The following MID2 variants were observed in gnomAD, a reference collection of about 807,000 sequenced individuals.
The protein encoded by MID2 is midline 2, also known as probable E3 ubiquitin-protein ligase MID2.
In MID2, 13 loss-of-function variants were observed where a neutral mutation model predicts 46.1. The observed-to-expected ratio is 0.28, with a 90% CI of 0.18 to 0.45. The LOEUF is 0.45. MID2 is among the 20% of genes least tolerant of loss of function. The pLI is 1.00. For missense variants in MID2, 431 were observed against 575.4 expected (o/e 0.75, Z 2.57); for synonymous variants, 199 against 212.3 (o/e 0.94, Z 0.55).
intron 3 of MID2, among the ~76,000 whole-genome samples, chrX:107,877,345 T>G (rs1932222513): frequency 8.9e-6 from 1 of 111,759 alleles, no homozygotes; most frequent in Non-Finnish European, 1.9e-5. Context: ...AGTATGAGGG[T>G]CAAAGCAGTT....
intron 5 of MID2, among the ~76,000 whole-genome samples, chrX:107,913,372 G>A (rs1261107672): frequency 8.9e-6 from 1 of 111,784 alleles, no homozygotes; most frequent in African/African-American, 3.3e-5. Flanking sequence ...GAGTGCCCTT[G>A]TAGTTCTATC....
At chrX:107,861,271 C>T (rs755181776) in intron 3 of MID2, among the ~76,000 whole-genome samples, 13 of 111,575 alleles carry the variant, frequency 1.2e-4, no homozygotes, top group African/African-American at 3.6e-4. Context: ...GAAGGTTCTA[C>T]GCAAATATGA....
rs150002621 is a variant in MID2, at chrX:107,891,405, C to T, written c.817-12553C>T. On this transcript the variant is annotated intron_variant, in intron 3 of 9. Coordinates refer to ENST00000262843, the MANE Select transcript of MID2 (RefSeq NM_012216.4). ...AAGTGATTCTCCTGCCTCAGACTCC[C>T]GAGTAGCTGAGATTACAGGCATGCG... Among the ~76,000 whole-genome samples, 450 of 109,104 alleles carry T rather than the reference C, an allele frequency of 4.1e-3. 2 individuals carry two copies. The highest frequency in any genetic ancestry group is 0.014 in the African/African-American group (421 of 29,884). 94.7% of individuals were successfully genotyped at this position (109,104 alleles called of 115,157 possible).
rs1363441223 is a variant in MID2 at position 107,841,064 on chromosome X, T to A, written c.399T>A (p.Ser133=). 15 of 1,209,466 alleles carry A rather than the reference T, an allele frequency of 1.2e-5. No individual in the cohort carries two copies. Among genetic ancestry groups the A allele is most frequent in the Non-Finnish European group, 1.6e-5 (14 of 895,120 alleles). The stretch of plus-strand genomic sequence containing the variant: ...CTTACAGGCCCACCACTGCCATGTC[T>A]AGCGAGCGAATTGCTTGCCAATTCT... The part of the protein sequence containing the change: ...ERTYRPTTAM[S]SERIACQFCE... The change falls in exon 2 of 10, where the codon TCT becomes TCA. Residue 133 remains serine, a synonymous_variant. Transcript: ENST00000262843.
chrX:107,927,056 A>G lies in MID2; in HGVS notation c.2191A>G (p.Met731Val). Residue 731 changes from methionine to valine, a missense_variant, in exon 10 of 10, where the codon ATG (methionine) becomes GTG (valine). Transcript: ENST00000262843. ...TCAAGAATCCCCTTATGTTTCTGGG[A>G]TGAAAACCTGTCATTAAGTTTCAGG... ...RPQESPYVSG[M>V]KTCH The G allele has an allele frequency of 8.3e-7, 1 of 1,203,624 alleles. No individual in the cohort carries two copies. The highest frequency in any genetic ancestry group is 1.1e-6 in the Non-Finnish European group (1 of 891,096).
At chrX:107,913,061 TAC>T (rs199836328) in intron 5 of MID2, among the ~76,000 whole-genome samples, 10 of 109,951 alleles carry the variant, frequency 9.1e-5, no homozygotes, top group Non-Finnish European at 1.7e-4. Context: ...GACAGTCAGA[TAC>T]ACACACACAC....
At chrX:107,839,434 T>C (rs773105098) in intron 1 of MID2, among the ~76,000 whole-genome samples, 11 of 107,254 alleles carry the variant, frequency 1.0e-4, no homozygotes, top group South Asian at 4.2e-4. Flanking sequence ...TGCAGTGGCA[T>C]GATCTCGGCT....
chrX:107,877,545 G>A lies in MID2; in HGVS notation c.816+22841G>A, dbSNP rs372187152. Among the ~76,000 whole-genome samples the A allele has an allele frequency of 1.1e-4, 12 of 112,033 alleles. No homozygotes were observed. In the East Asian group the frequency reaches 2.5e-3, roughly 23 times the overall value. ...TTCCATCATTTTATCCCCAAGACTT[G>A]GCAACCTTAGATGGATGCCACCCAC... On this transcript the variant is annotated intron_variant, in intron 3 of 9. Coordinates refer to ENST00000262843, the MANE Select transcript of MID2 (RefSeq NM_012216.4).
intron 3 of MID2, chrX:107,895,956 A>G (rs1184670484): frequency 8.9e-6 from 1 of 112,450 alleles, no homozygotes; most frequent in Non-Finnish European, 1.9e-5. Flanking sequence ...CTGACGAGAT[A>G]GAAAGGAGGT....
At chrX:107,890,420 C>T (rs920894165) in intron 3 of MID2, among the ~76,000 whole-genome samples, 4 of 112,101 alleles carry the variant, frequency 3.6e-5, no homozygotes, top group Non-Finnish European at 5.6e-5. Context: ...GCAGCAGAGG[C>T]TGCAGAACAG....
chrX:107,832,324 C>G (rs1931105770), intron 1 of MID2, among the ~76,000 whole-genome samples: 1 of 111,297 alleles, frequency 9.0e-6, no homozygotes, highest in Admixed American at 9.5e-5. Flanking sequence ...TAACAAATAC[C>G]ATGATCAGTC....
chrX:107,869,294 A>G (rs1932018921), intron 3 of MID2, among the ~76,000 whole-genome samples: 1 of 111,358 alleles, frequency 9.0e-6, no homozygotes, highest in African/African-American at 3.3e-5. Flanking sequence ...TTCCATATGT[A>G]CTTGCTTCTA....
chrX:107,871,984 T>C (rs1213170081), intron 3 of MID2, among the ~76,000 whole-genome samples: 1 of 111,894 alleles, frequency 8.9e-6, no homozygotes, highest in Non-Finnish European at 1.9e-5. Flanking sequence ...GGCAAGACCT[T>C]TGCCAGAGAC....
intron 3 of MID2, among the ~76,000 whole-genome samples, 185 bp from the exon 4 acceptor site, chrX:107,903,773 C>G (rs1490103677): frequency 1.8e-5 from 2 of 111,521 alleles, no homozygotes; most frequent in African/African-American, 6.5e-5. Context: ...GGAGAGCTTC[C>G]TAACTGTGGT....
chrX:107,924,920 A>T (rs2147876131), intron 8 of MID2, among the ~76,000 whole-genome samples: 1 of 112,446 alleles, frequency 8.9e-6, no homozygotes, highest in African/African-American at 3.2e-5. Context: ...TTAAATGAAT[A>T]GTATATATTT....
chrX:107,827,917 A>G lies in MID2; in HGVS notation c.4+1487A>G, dbSNP rs185591375. On this transcript the variant is annotated intron_variant, in intron 1 of 9. Transcript: ENST00000262843. Reference sequence around the variant, plus strand: ...ACAACTTGATTTATGTGTTTGTTATAGTTTGGATATTTATCCCTGCCCAAA... The same window carrying G: ...ACAACTTGATTTATGTGTTTGTTATGGTTTGGATATTTATCCCTGCCCAAA... 2.4e-3 allele frequency among the ~76,000 whole-genome samples: 275 copies of G among 112,414 alleles called. 2 individuals are homozygous for G. Among genetic ancestry groups the G allele is most frequent in the African/African-American group, 8.7e-3 (270 of 30,942 alleles).
At chrX:107,880,879 G>A (rs1932304147) in intron 3 of MID2, among the ~76,000 whole-genome samples, 2 of 112,628 alleles carry the variant, frequency 1.8e-5, no homozygotes, top group African/African-American at 6.5e-5. Context: ...AAGGCCAAAG[G>A]CTAGATCCAA....
intron 3 of MID2, among the ~76,000 whole-genome samples, chrX:107,866,700 A>G (rs1158310491): frequency 8.9e-6 from 1 of 112,474 alleles, no homozygotes; most frequent in African/African-American, 3.2e-5. Context: ...TTGAGAAAGC[A>G]GAGCTAACAG....
chrX:107,886,119 T>C lies in MID2; in HGVS notation c.817-17839T>C, dbSNP rs201321794. Among the ~76,000 whole-genome samples the C allele has an allele frequency of 2.7e-5, 3 of 111,209 alleles. No individual in the cohort carries two copies. The East Asian group carries it at 8.5e-4, about 31-fold the overall frequency. ...TTTCTTTTGCTGTGCAGAAGCTCTT[T>C]AGTTTAATTAGATCCCATTTGTCAA... On this transcript the variant is annotated intron_variant, in intron 3 of 9. Coordinates refer to ENST00000262843, the MANE Select transcript of MID2 (RefSeq NM_012216.4).
Sources: allele counts gnomAD v4.1 joint callset (sites outside exome capture counted in the v4.1 genomes callset), GRCh38; gene constraint gnomAD v4.1.1; transcripts MANE v1.5; gene names NCBI Gene and HGNC (gene_info 2026-07-23, HGNC 2026-07-21).